Variants in PACRG observed in about 807,000 individuals in gnomAD.
PACRG encodes the protein parkin coregulated.
Under a neutral mutation model 29.7 loss-of-function variants are expected in PACRG, and 29 were observed. That is an observed-to-expected ratio of 0.98 (90% CI 0.73 to 1.33). PACRG has a LOEUF of 1.33. Ranked by LOEUF, PACRG falls within the 40% of genes most tolerant of loss-of-function variation. The pLI, the probability that PACRG is intolerant of heterozygous loss-of-function variation, is 0.00. For synonymous variants in PACRG, 116 were observed against 118.7 expected, an observed-to-expected ratio of 0.98 and a Z score of 0.15; for missense variants, 279 against 316.2, an observed-to-expected ratio of 0.88 and a Z score of 0.89.
chr6:163,147,322 AT>A (rs1231566708), intron 4 of PACRG, among the ~76,000 whole-genome samples: 1 of 152,248 alleles, frequency 6.6e-6, no homozygotes, highest in Non-Finnish European at 1.5e-5. Context: ...AAAATGTAGC[AT>A]TCTTATAGGA....
chr6:162,732,383 A>G (rs1305437526), intron 1 of PACRG, among the ~76,000 whole-genome samples: 1 of 152,180 alleles, frequency 6.6e-6, no homozygotes, highest in African/African-American at 2.4e-5. Flanking sequence ...AGAAACAGCA[A>G]TCCTCACTCC....
At chr6:162,912,567 A>G (rs924405484) in intron 2 of PACRG, among the ~76,000 whole-genome samples, 2 of 149,046 alleles carry the variant, frequency 1.3e-5, no homozygotes, top group African/African-American at 5.0e-5. Flanking sequence ...GTCACATATT[A>G]TATTCTTTTT....
At chr6:163,252,642 C>T (rs1334803395) in intron 4 of PACRG, among the ~76,000 whole-genome samples, 1 of 152,230 alleles carries the variant, frequency 6.6e-6, no homozygotes, top group Non-Finnish European at 1.5e-5. Context: ...GATGCTCCAG[C>T]TTTCAATTTG....
intron 4 of PACRG, among the ~76,000 whole-genome samples, chr6:163,284,403 C>T (rs1784324230): frequency 1.3e-5 from 2 of 152,274 alleles, no homozygotes; most frequent in East Asian, 1.9e-4. Context: ...ACAGAGTTCA[C>T]GGGCATGAAT....
chr6:163,067,843 A>G (rs1315962692), intron 3 of PACRG, among the ~76,000 whole-genome samples: 1 of 152,192 alleles, frequency 6.6e-6, no homozygotes, highest in African/African-American at 2.4e-5. Context: ...CACATCTGCT[A>G]TGATTACTTT....
chr6:162,951,263 A>G (rs1799624823), intron 2 of PACRG, among the ~76,000 whole-genome samples: 2 of 152,222 alleles, frequency 1.3e-5, no homozygotes, highest in Admixed American at 6.5e-5. Context: ...CAGGTTTTCT[A>G]TCAAGTCTAT....
At chr6:163,129,103 G>T (rs567997432) in intron 4 of PACRG, among the ~76,000 whole-genome samples, 3 of 152,240 alleles carry the variant, frequency 2.0e-5, no homozygotes, top group African/African-American at 7.2e-5. Flanking sequence ...GTACACACTG[G>T]GTTAGAATCA....
chr6:162,943,934 C>A (rs914798359), intron 2 of PACRG, among the ~76,000 whole-genome samples: 1 of 152,148 alleles, frequency 6.6e-6, no homozygotes, highest in Non-Finnish European at 1.5e-5. Context: ...TCACACCACA[C>A]CTGCCATCCA....
chr6:162,736,650 C>CT (rs35823927), intron 1 of PACRG, among the ~76,000 whole-genome samples: 16,373 of 140,726 alleles, frequency 0.12, 1,064 homozygotes, highest in South Asian at 0.24. Context: ...TATTTTCTGC[C>CT]TTTTTTTTTT....
intron 3 of PACRG, among the ~76,000 whole-genome samples, chr6:163,088,860 G>T (rs1813835420): frequency 6.6e-6 from 1 of 152,036 alleles, no homozygotes; most frequent in Admixed American, 6.5e-5. Flanking sequence ...TTTAAGAATT[G>T]TATGGATTGT....
intron 2 of PACRG, among the ~76,000 whole-genome samples, chr6:162,907,563 A>G (rs1399222): frequency 0.084 from 12,835 of 152,158 alleles, 617 homozygotes; most frequent in African/African-American, 0.13. Flanking sequence ...TTCATCAAGC[A>G]TAACTTAATA....
chr6:162,885,038 T>G (rs1794213975), intron 2 of PACRG, among the ~76,000 whole-genome samples: 2 of 152,144 alleles, frequency 1.3e-5, no homozygotes, highest in Non-Finnish European at 2.9e-5. Context: ...GTGGGCTCAA[T>G]GTTACCCACA....
chr6:163,119,507 C>T (rs1400894491), intron 4 of PACRG, among the ~76,000 whole-genome samples: 1 of 152,138 alleles, frequency 6.6e-6, no homozygotes, highest in Non-Finnish European at 1.5e-5. Flanking sequence ...GAGAAGAAGC[C>T]CCAGCAGAGA....
rs1485221176 is a variant in PACRG, at chr6:162,996,366, A to G, written c.292-65784A>G. Among the ~76,000 whole-genome samples the G allele has an allele frequency of 5.3e-5, 8 of 152,322 alleles. No individual in the cohort carries two copies. In the South Asian group the frequency reaches 6.2e-4, roughly 12 times the overall value. On this transcript the variant is annotated intron_variant, in intron 2 of 4. Transcript: ENST00000366888. ...AATAAAATCATCACTTTCAAGTCCC[A>G]TAATGGAGGTGATAAAAGTAATTTA... is the stretch of plus-strand genomic sequence containing the variant.
intron 2 of PACRG, among the ~76,000 whole-genome samples, chr6:163,034,690 G>T (rs549415923): frequency 6.6e-6 from 1 of 152,176 alleles, no homozygotes; most frequent in South Asian, 2.1e-4. Context: ...TCCCTTCCAT[G>T]TTCACCAGAA....
intron 2 of PACRG, among the ~76,000 whole-genome samples, chr6:162,899,115 C>A (rs567174035): frequency 6.6e-6 from 1 of 152,292 alleles, no homozygotes; most frequent in Admixed American, 6.5e-5. Flanking sequence ...GAGATGAGGG[C>A]TTGAGTAAGT....
chr6:162,809,246 G>A (rs1393469622), intron 1 of PACRG, among the ~76,000 whole-genome samples: 2 of 151,938 alleles, frequency 1.3e-5, no homozygotes, highest in Non-Finnish European at 2.9e-5. Context: ...ACAAGTTCCG[G>A]CTTTTGAGAT....
intron 2 of PACRG, among the ~76,000 whole-genome samples, chr6:162,961,641 T>G (rs1026287900): frequency 6.6e-6 from 1 of 152,198 alleles, no homozygotes; most frequent in African/African-American, 2.4e-5. Context: ...TCATTTTGAA[T>G]GGTGGCACCA....
intron 4 of PACRG, among the ~76,000 whole-genome samples, chr6:163,262,877 C>G (rs12212300): frequency 0.041 from 5,886 of 143,208 alleles, 167 homozygotes; most frequent in Non-Finnish European, 0.061. Context: ...CCCCCCCCCC[C>G]ATGTCAACTA....
Sources: allele counts gnomAD v4.1 joint callset (sites outside exome capture counted in the v4.1 genomes callset), GRCh38; gene constraint gnomAD v4.1.1; transcripts MANE v1.5; gene names NCBI Gene and HGNC (gene_info 2026-07-23, HGNC 2026-07-21).